NEK7: variants seen among roughly 807,000 people sequenced by gnomAD.
NEK7 encodes NIMA related kinase 7.
Under a neutral mutation model 44.6 loss-of-function variants are expected in NEK7, and 18 were observed. The ratio of observed to expected loss-of-function variants is 0.40; its 90% CI spans 0.28 to 0.60. The LOEUF is 0.60. Ranked by LOEUF, NEK7 falls within the 20% of genes least tolerant of loss-of-function variation. The pLI is 0.38. For missense variants in NEK7, 256 were observed against 366.5 expected (o/e 0.70, Z 2.46); for synonymous variants, 130 against 121.1 (o/e 1.07, Z -0.48).
intron 1 of NEK7, among the ~76,000 whole-genome samples, chr1:198,175,489 A>C (rs960025833): frequency 6.6e-6 from 1 of 152,234 alleles, no homozygotes; most frequent in African/African-American, 2.4e-5. Context: ...ATTTAGTACA[A>C]GGAATTCAGT....
chr1:198,251,791 A>G (rs541132280), intron 2 of NEK7, among the ~76,000 whole-genome samples: 83 of 152,006 alleles, frequency 5.5e-4, no homozygotes, highest in East Asian at 1.9e-3. Context: ...TCTTGCTAGC[A>G]GTCTATCAAT....
chr1:198,247,182 A>T (rs749463121), intron 2 of NEK7, among the ~76,000 whole-genome samples: 40 of 152,288 alleles, frequency 2.6e-4, no homozygotes, highest in Admixed American at 4.6e-4. Context: ...CCTTTATTTC[A>T]TAATTTTATT....
chr1:198,254,905 A>G (rs1653200401), intron 3 of NEK7, among the ~76,000 whole-genome samples: 1 of 152,182 alleles, frequency 6.6e-6, no homozygotes, highest in African/African-American at 2.4e-5. Flanking sequence ...TTATTCCCTT[A>G]CAAAAGAACT....
intron 1 of NEK7, among the ~76,000 whole-genome samples, chr1:198,165,176 T>C (rs917120665): frequency 9.9e-5 from 15 of 152,214 alleles, no homozygotes; most frequent in Non-Finnish European, 2.1e-4. Context: ...CTTGACTCCC[T>C]CAAAGTCGTC....
rs1423127477 is a variant in NEK7, at chr1:198,319,718, A to G, written c.*196A>G. 6 of 468,906 alleles carry G rather than the reference A, an allele frequency of 1.3e-5. No homozygotes were observed. Among genetic ancestry groups the G allele is most frequent in the Non-Finnish European group, 2.1e-5 (6 of 279,372 alleles). 29.0% of individuals were successfully genotyped at this position (468,906 alleles called of 1,614,324 possible). Reference sequence around the variant, plus strand: ...CTTGCAACCCCCAAATGACTTTGGAATAACTGAATTGCATGTTAGGAGAGA... The same window carrying G: ...CTTGCAACCCCCAAATGACTTTGGAGTAACTGAATTGCATGTTAGGAGAGA... On this transcript the variant is annotated 3_prime_UTR_variant, in exon 10 of 10. Coordinates refer to ENST00000367385, the MANE Select transcript of NEK7 (RefSeq NM_133494.3).
intron 7 of NEK7, among the ~76,000 whole-genome samples, chr1:198,292,395 T>C: frequency 6.6e-6 from 1 of 152,064 alleles, no homozygotes; most frequent in South Asian, 2.1e-4. Flanking sequence ...TATATAATCC[T>C]TTGATGTACA....
intron 2 of NEK7, among the ~76,000 whole-genome samples, chr1:198,252,682 G>A (rs201716929): frequency 1.6e-5 from 2 of 122,432 alleles, no homozygotes; most frequent in East Asian, 5.8e-4. Context: ...ACATATGTAT[G>A]TTTATGTATT....
intron 1 of NEK7, chr1:198,206,933 A>G (rs1665615681): frequency 6.6e-6 from 1 of 152,136 alleles, no homozygotes; most frequent in Non-Finnish European, 1.5e-5. Context: ...TATGGCATTT[A>G]TATGCTTTCA....
At chr1:198,232,521 A>G (rs1666426711) in intron 1 of NEK7, 32 bp from the exon 2 acceptor site, 8 of 962,192 alleles carry the variant, frequency 8.3e-6, no homozygotes, top group Non-Finnish European at 1.4e-5. Context: ...TAATGATTAC[A>G]TTATTTAAAT....
chr1:198,198,847 A>G (rs1316812457), intron 1 of NEK7, among the ~76,000 whole-genome samples: 2 of 152,204 alleles, frequency 1.3e-5, no homozygotes, highest in Non-Finnish European at 2.9e-5. Context: ...TATAATTACT[A>G]CTTCCTGTCA....
intron 1 of NEK7, among the ~76,000 whole-genome samples, chr1:198,210,755 T>C (rs996042145): frequency 7.9e-5 from 10 of 127,202 alleles, no homozygotes; most frequent in Non-Finnish European, 1.5e-4. Context: ...TTTTTTTTTT[T>C]TTTTTTTTTT....
chr1:198,269,704 G>T (rs969450079), intron 5 of NEK7, among the ~76,000 whole-genome samples: 1 of 152,038 alleles, frequency 6.6e-6, no homozygotes, highest in African/African-American at 2.4e-5. Context: ...GGATAGCATT[G>T]CATCAAAGAT....
chr1:198,200,449 A>G (rs1665393434), intron 1 of NEK7, among the ~76,000 whole-genome samples: 2 of 152,088 alleles, frequency 1.3e-5, no homozygotes, highest in South Asian at 4.1e-4. Context: ...TATTATGAGC[A>G]TATCTGCTTT....
chr1:198,163,151 A>C (rs1664158900), intron 1 of NEK7, among the ~76,000 whole-genome samples: 1 of 152,164 alleles, frequency 6.6e-6, no homozygotes. Context: ...AAATGTAATG[A>C]ATTCCTAATC....
At chr1:198,301,026 A>G (rs1252728012) in intron 9 of NEK7, among the ~76,000 whole-genome samples, 1 of 152,228 alleles carries the variant, frequency 6.6e-6, no homozygotes, top group Non-Finnish European at 1.5e-5. Flanking sequence ...GTAGTCATCA[A>G]AATTATCTAT....
At chr1:198,162,249 C>CTGGACT (rs1664128024) in intron 1 of NEK7, among the ~76,000 whole-genome samples, 1 of 152,164 alleles carries the variant, frequency 6.6e-6, no homozygotes, top group Admixed American at 6.5e-5. Context: ...TTTGTGTGTG[C>CTGGACT]TGGACTTTTG....
chr1:198,308,855 TATTAAG>T (rs537408641), intron 9 of NEK7, among the ~76,000 whole-genome samples: 4 of 152,116 alleles, frequency 2.6e-5, no homozygotes, highest in Non-Finnish European at 5.9e-5. Flanking sequence ...CCCTTTTATA[TATTAAG>T]ATTAAGTTCT....
intron 1 of NEK7, among the ~76,000 whole-genome samples, chr1:198,225,539 TTCTC>T (rs772720865): frequency 2.6e-5 from 4 of 151,912 alleles, no homozygotes; most frequent in African/African-American, 7.3e-5. Context: ...GATAGTGAAC[TTCTC>T]TCTCTCTCAG....
chr1:198,185,275 T>C (rs1040911799), intron 1 of NEK7, among the ~76,000 whole-genome samples: 1 of 150,356 alleles, frequency 6.7e-6, no homozygotes, highest in Non-Finnish European at 1.5e-5. Context: ...TCATAAATAG[T>C]GTCCATCAGT....
Sources: gnomAD v4.1 joint callset for allele counts (sites outside exome capture counted in the v4.1 genomes callset) on GRCh38, gnomAD v4.1.1 for gene constraint, MANE v1.5 for transcripts, NCBI Gene and HGNC (gene_info 2026-07-23, HGNC 2026-07-21) for gene names.